The following COL21A1 variants were observed in gnomAD, a reference collection of about 807,000 sequenced individuals.
COL21A1 encodes the protein collagen alpha-1(XXI) chain.
Under a neutral mutation model 137.9 loss-of-function variants are expected in COL21A1, and 149 were observed. That is an observed-to-expected ratio of 1.08 (90% CI 0.95 to 1.24). The LOEUF is 1.24. Among genes scored for constraint, COL21A1 ranks in the 50% most tolerant of loss-of-function variants. The pLI, the probability that COL21A1 is intolerant of heterozygous loss-of-function variation, is 0.00. For missense variants in COL21A1, 1,167 were observed against 1,158.4 expected (o/e 1.01, Z -0.11); for synonymous variants, 456 against 391.5 (o/e 1.16, Z -1.95).
intron 17 of COL21A1, among the ~76,000 whole-genome samples, chr6:56,095,971 C>T (rs567551527): frequency 9.9e-5 from 15 of 152,152 alleles, no homozygotes; most frequent in South Asian, 6.2e-4. Context: ...CACAGCCTCC[C>T]GAGTAGGTGG....
intron 1 of COL21A1, among the ~76,000 whole-genome samples, chr6:56,383,907 C>A (rs2094012965): frequency 6.6e-6 from 1 of 152,146 alleles, no homozygotes; most frequent in South Asian, 2.1e-4. Flanking sequence ...TCCTCTATAG[C>A]TCGAGGCTTT....
At chr6:56,310,878 A>AT (rs745884828) in intron 1 of COL21A1, among the ~76,000 whole-genome samples, 142 of 151,896 alleles carry the variant, frequency 9.3e-4, no homozygotes, top group Non-Finnish European at 1.8e-3. Context: ...ACATTGATAG[A>AT]TTTTTTTTCC....
At chr6:56,152,141 A>T (rs1378067107) in intron 10 of COL21A1, among the ~76,000 whole-genome samples, 1 of 152,248 alleles carries the variant, frequency 6.6e-6, no homozygotes, top group East Asian at 1.9e-4. Context: ...TACCAGCCAG[A>T]CTGCATTCTT....
intron 16 of COL21A1, among the ~76,000 whole-genome samples, chr6:56,107,034 A>G (rs1171762405): frequency 6.6e-6 from 1 of 151,832 alleles, no homozygotes. Flanking sequence ...TGATCCACCC[A>G]CCTCGGCCTC....
At chr6:56,148,367 AG>A (rs1561917586) in intron 10 of COL21A1, among the ~76,000 whole-genome samples, 3 of 151,710 alleles carry the variant, frequency 2.0e-5, no homozygotes, top group African/African-American at 7.3e-5. Flanking sequence ...AGAGAGAGAG[AG>A]AAACACATAA....
At chr6:56,276,627 C>T in intron 1 of COL21A1, 2 of 1,438,708 alleles carry the variant, frequency 1.4e-6, no homozygotes, top group African/African-American at 1.4e-5. Flanking sequence ...TTATATTTCT[C>T]AAAATCAATT....
chr6:56,185,170 TA>T (rs200189582), intron 1 of COL21A1, among the ~76,000 whole-genome samples: 2,032 of 148,944 alleles, frequency 0.014, 44 homozygotes, highest in African/African-American at 0.047. Context: ...AAAACTACAA[TA>T]AAAAAGTAGA....
At chr6:56,188,361 A>G (rs911701496) in intron 1 of COL21A1, among the ~76,000 whole-genome samples, 2 of 152,224 alleles carry the variant, frequency 1.3e-5, no homozygotes, top group East Asian at 3.9e-4. Context: ...ATAATTCCAA[A>G]CTAAAAATAA....
intron 23 of COL21A1, 109 bp downstream of exon 23, chr6:56,067,186 A>G: frequency 1.1e-6 from 1 of 910,198 alleles, no homozygotes. Context: ...ATAGGATTTA[A>G]CAACTTTATA....
chr6:56,286,020 A>G (rs1477621808), intron 1 of COL21A1, among the ~76,000 whole-genome samples: 1 of 152,094 alleles, frequency 6.6e-6, no homozygotes, highest in Non-Finnish European at 1.5e-5. Context: ...CATTAGCTCA[A>G]TCTGTTTCAG....
Position 56,060,896 on chromosome 6 carries a change from T to C in COL21A1, c.2347A>G (p.Lys783Glu). 1.3e-6 allele frequency: 2 copies of C among 1,579,274 alleles called. No homozygotes were observed. Among genetic ancestry groups the C allele is most frequent in the Non-Finnish European group, 1.7e-6 (2 of 1,168,362 alleles). ...GPQGPPGLDGKPGREFSEQFI... is the reference protein window; with the variant it reads ...GPQGPPGLDGEPGREFSEQFI... ...GAAAGAAGCAGAATACATACGGGCT[T>C]CCCATCCAAACCTGGGGGTCCCTGA... The change falls in exon 26 of 30, where the codon AAG becomes GAG. Residue 783 changes from lysine to glutamate, a missense_variant. Transcript: ENST00000244728.
At chr6:56,342,028 T>C (rs1765482216) in intron 1 of COL21A1, among the ~76,000 whole-genome samples, 1 of 152,198 alleles carries the variant, frequency 6.6e-6, no homozygotes, top group Non-Finnish European at 1.5e-5. Flanking sequence ...ATGATCATTT[T>C]CCCTCCCCTG....
intron 1 of COL21A1, among the ~76,000 whole-genome samples, chr6:56,214,973 T>A (rs78180909): frequency 1.5e-3 from 221 of 152,214 alleles, no homozygotes; most frequent in African/African-American, 5.2e-3. Context: ...AATTAAAACG[T>A]CCAGTCACAT....
chr6:56,239,372 T>C (rs1352760646), intron 1 of COL21A1, among the ~76,000 whole-genome samples: 1 of 152,162 alleles, frequency 6.6e-6, no homozygotes, highest in East Asian at 1.9e-4. Flanking sequence ...GTATTCATTT[T>C]TGCATCATAA....
At chr6:56,251,574 T>G (rs577313566), upstream of COL21A1, among the ~76,000 whole-genome samples, 1 of 152,326 alleles carries the variant, frequency 6.6e-6, no homozygotes, top group African/African-American at 2.4e-5. Context: ...TGGATGTGTG[T>G]GAGTGTGTAT....
At chr6:56,318,989 A>G (rs1409811613) in intron 1 of COL21A1, among the ~76,000 whole-genome samples, 8 of 151,788 alleles carry the variant, frequency 5.3e-5, no homozygotes, top group Non-Finnish European at 1.0e-4. Context: ...CATCTCCAAA[A>G]CTGCTCTTGC....
At chr6:56,214,370 T>A (rs1247940743) in intron 1 of COL21A1, among the ~76,000 whole-genome samples, 1 of 152,086 alleles carries the variant, frequency 6.6e-6, no homozygotes, top group Non-Finnish European at 1.5e-5. Context: ...GAAAAGCATC[T>A]CACTGAATTG....
chr6:56,072,508 T>C (rs1444721870), intron 20 of COL21A1, among the ~76,000 whole-genome samples: 1 of 151,488 alleles, frequency 6.6e-6, no homozygotes, highest in Non-Finnish European at 1.5e-5. Flanking sequence ...ATCAGTGATA[T>C]TGACAGCACA....
intron 5 of COL21A1, among the ~76,000 whole-genome samples, chr6:56,169,605 C>T (rs978097517): frequency 5.3e-5 from 8 of 151,970 alleles, no homozygotes; most frequent in African/African-American, 1.9e-4. Flanking sequence ...CATTTTATTA[C>T]ACACCTGATG....
Sources: gnomAD v4.1 joint callset for allele counts (sites outside exome capture counted in the v4.1 genomes callset) on GRCh38, gnomAD v4.1.1 for gene constraint, MANE v1.5 for transcripts, NCBI Gene and HGNC (gene_info 2026-07-23, HGNC 2026-07-21) for gene names.